TMPRSS11D: variants seen among roughly 807,000 people sequenced by gnomAD.
The protein encoded by TMPRSS11D is transmembrane serine protease 11D.
TMPRSS11D carries 32 observed loss-of-function variants against 44.4 expected under a neutral mutation model. That is an observed-to-expected ratio of 0.72 (90% confidence interval 0.54 to 0.97). TMPRSS11D has a LOEUF of 0.97. Among genes scored for constraint, TMPRSS11D ranks in the 50% least tolerant of loss-of-function variants. The pLI is 0.00. For missense variants in TMPRSS11D, 446 were observed against 502.6 expected, an observed-to-expected ratio of 0.89 and a Z score of 1.08; for synonymous variants, 179 against 177.9, an observed-to-expected ratio of 1.01 and a Z score of -0.05.
At chr4:67,834,680 A>G (rs1718030860) in intron 6 of TMPRSS11D, among the ~76,000 whole-genome samples, 1 of 152,144 alleles carries the variant, frequency 6.6e-6, no homozygotes, top group Non-Finnish European at 1.5e-5. Context: ...TTTGTGATTA[A>G]CCTGAATTCA....
At chr4:67,837,718 G>A (rs534239137) in intron 5 of TMPRSS11D, among the ~76,000 whole-genome samples, 1 of 152,154 alleles carries the variant, frequency 6.6e-6, no homozygotes, top group South Asian at 2.1e-4. Context: ...CTTTCTTTTA[G>A]GATGATTACA....
At chr4:67,836,569 A>G (rs987895817) in intron 5 of TMPRSS11D, among the ~76,000 whole-genome samples, 1 of 152,192 alleles carries the variant, frequency 6.6e-6, no homozygotes, top group Non-Finnish European at 1.5e-5. Flanking sequence ...TTGAACAAAC[A>G]GACTTAGTTT....
intron 1 of TMPRSS11D, among the ~76,000 whole-genome samples, chr4:67,865,309 T>A (rs1414811556): frequency 6.6e-6 from 1 of 151,548 alleles, no homozygotes; most frequent in African/African-American, 2.4e-5. Context: ...TTAAAAAAAT[T>A]TTGAAATGAA....
intron 3 of TMPRSS11D, among the ~76,000 whole-genome samples, chr4:67,843,104 C>CTT (rs35756612): frequency 0.027 from 2,904 of 109,356 alleles, 124 homozygotes; most frequent in African/African-American, 0.088. Context: ...AAAGGGCAGT[C>CTT]TTTTTTTTTT....
At chr4:67,873,981 C>T (rs918884966) in intron 1 of TMPRSS11D, among the ~76,000 whole-genome samples, 2 of 152,164 alleles carry the variant, frequency 1.3e-5, no homozygotes, top group African/African-American at 4.8e-5. Context: ...ATAACAACAT[C>T]TTTGTCAATC....
intron 9 of TMPRSS11D, among the ~76,000 whole-genome samples, chr4:67,824,004 T>C (rs1717719397): frequency 1.3e-5 from 2 of 152,146 alleles, no homozygotes; most frequent in South Asian, 4.1e-4. Flanking sequence ...GCAGGGATAG[T>C]ATTGTTGTGT....
At chr4:67,843,510 G>T (rs1476006898) in intron 3 of TMPRSS11D, among the ~76,000 whole-genome samples, 1 of 152,010 alleles carries the variant, frequency 6.6e-6, no homozygotes, top group African/African-American at 2.4e-5. Flanking sequence ...TACTCCATGG[G>T]TATGTACACC....
chr4:67,859,751 G>T (rs569211686), intron 1 of TMPRSS11D, 73 bp from the exon 2 acceptor site: 1 of 1,568,082 alleles, frequency 6.4e-7, no homozygotes, highest in African/African-American at 1.4e-5. Context: ...GTTCATGATT[G>T]TCTTCTGTCT....
In TMPRSS11D at chr4:67,837,263, G is replaced by A. The variant is rs116017465; in HGVS notation, c.475+909C>T. On this transcript the variant is annotated intron_variant, in intron 5 of 9. Coordinates refer to ENST00000283916, the MANE Select transcript of TMPRSS11D (RefSeq NM_004262.3). Reference sequence around the variant, plus strand: ...TCAACTACCTAACAAACTGCAGTGCGTGAGCATTGGCCAGTCATAAAAGAT... The same window carrying A: ...TCAACTACCTAACAAACTGCAGTGCATGAGCATTGGCCAGTCATAAAAGAT... 5.4e-3 allele frequency among the ~76,000 whole-genome samples: 817 copies of A among 152,252 alleles called. 8 individuals carry two copies. Among genetic ancestry groups the A allele is most frequent in the African/African-American group, 0.019 (774 of 41,548 alleles).
chr4:67,832,145 G>A (rs1423618534), intron 7 of TMPRSS11D, among the ~76,000 whole-genome samples: 1 of 152,098 alleles, frequency 6.6e-6, no homozygotes. Context: ...GAACAATGCT[G>A]TTTATCTGAA....
At chr4:67,869,182 T>G (rs1296903871) in intron 1 of TMPRSS11D, among the ~76,000 whole-genome samples, 1 of 152,216 alleles carries the variant, frequency 6.6e-6, no homozygotes, top group Non-Finnish European at 1.5e-5. Flanking sequence ...GCAAAGGTCT[T>G]GGGACTGGAA....
chr4:67,828,116 TAAAC>T (rs1717853841), intron 7 of TMPRSS11D, among the ~76,000 whole-genome samples: 2 of 151,992 alleles, frequency 1.3e-5, no homozygotes, highest in Admixed American at 6.6e-5. Context: ...ATGTATATTA[TAAAC>T]AAACTATGCA....
chr4:67,827,634 C>T lies in TMPRSS11D; in HGVS notation c.693-114G>A, dbSNP rs189245163. 340 of 1,174,266 alleles carry T rather than the reference C, an allele frequency of 2.9e-4. 4 individuals carry two copies. The African/African-American group carries it at 5.0e-3, about 17-fold the overall frequency. The allele number at this position is 1,174,266 out of a possible 1,614,324, so 72.7% of individuals were successfully genotyped here. ...TCTAGAAACTATTGGATCCACATCT[C>T]TTTGCTATATTTTCCTGCATTATAA... On this transcript the variant is annotated intron_variant, in intron 7 of 9. Coordinates refer to ENST00000283916, the MANE Select transcript of TMPRSS11D (RefSeq NM_004262.3).
At chr4:67,875,790 A>G (rs1424652865) in intron 1 of TMPRSS11D, among the ~76,000 whole-genome samples, 1 of 152,218 alleles carries the variant, frequency 6.6e-6, no homozygotes, top group Non-Finnish European at 1.5e-5. Flanking sequence ...ACACAACTCA[A>G]ATAATGTCTG....
rs1485455727 is a variant in TMPRSS11D, at chr4:67,821,423, C to T, written c.*914G>A. 2.6e-5 allele frequency: 4 copies of T among 152,062 alleles called. No individual in the cohort carries two copies. Among genetic ancestry groups the T allele is most frequent in the African/African-American group, 9.7e-5 (4 of 41,406 alleles). The allele number at this position is 152,062 out of a possible 1,614,324, so 9.4% of individuals were successfully genotyped here. On this transcript the variant is annotated 3_prime_UTR_variant, in exon 10 of 10. Transcript: ENST00000283916. Reference sequence around the variant, plus strand: ...GTTACTTAGATTTAGCGTTTGACGACCCTTTTACGCTCAAAAATATAACTG... The same window carrying T: ...GTTACTTAGATTTAGCGTTTGACGATCCTTTTACGCTCAAAAATATAACTG...
intron 1 of TMPRSS11D, among the ~76,000 whole-genome samples, chr4:67,867,155 T>C (rs1240352174): frequency 6.6e-6 from 1 of 151,732 alleles, no homozygotes; most frequent in Non-Finnish European, 1.5e-5. Flanking sequence ...TGAAACAGAA[T>C]AGAGAACCCA....
rs75749499 is a variant in TMPRSS11D at position 67,827,604 on chromosome 4, C to A, written c.693-84G>T. The A allele has an allele frequency of 1.6e-4, 222 of 1,397,908 alleles. No individual in the cohort carries two copies. In the East Asian group the frequency reaches 4.9e-3, roughly 31 times the overall value. The allele number at this position is 1,397,908 out of a possible 1,614,324, so 86.6% of individuals were successfully genotyped here. A position where few individuals can be genotyped will look rare whatever the true frequency, so the allele number is the denominator to read the frequency against. ...TAAATTCATCTTAGCCATCCTGTAC[C>A]ACTATCTAGAAACTATTGGATCCAC... On this transcript the variant is annotated intron_variant, in intron 7 of 9. Coordinates refer to ENST00000283916, the MANE Select transcript of TMPRSS11D (RefSeq NM_004262.3).
intron 1 of TMPRSS11D, among the ~76,000 whole-genome samples, chr4:67,866,171 A>T (rs984850172): frequency 6.6e-6 from 1 of 151,960 alleles, no homozygotes. Flanking sequence ...GTTTTATTCC[A>T]GGGATGCAAG....
intron 3 of TMPRSS11D, among the ~76,000 whole-genome samples, chr4:67,845,738 A>C (rs1718341491): frequency 6.6e-6 from 1 of 152,186 alleles, no homozygotes; most frequent in Non-Finnish European, 1.5e-5. Flanking sequence ...GATTGAGGTG[A>C]CAATATTATT....
Sources: gnomAD v4.1 joint callset for allele counts (sites outside exome capture counted in the v4.1 genomes callset) on GRCh38, gnomAD v4.1.1 for gene constraint, MANE v1.5 for transcripts, NCBI Gene and HGNC (gene_info 2026-07-23, HGNC 2026-07-21) for gene names.